The following PDE1C variants were observed in gnomAD, a reference collection of about 807,000 sequenced individuals.
The protein encoded by PDE1C is phosphodiesterase 1C, also known as dual specificity calcium/calmodulin-dependent 3',5'-cyclic nucleotide phosphodiesterase 1C.
PDE1C carries 62 observed loss-of-function variants against 93.1 expected under a neutral mutation model. The observed-to-expected ratio is 0.67, with a 90% CI of 0.54 to 0.82. The LOEUF (loss-of-function observed/expected upper bound fraction) is 0.82, where lower values mean the gene tolerates loss of function less well. Among genes scored for constraint, PDE1C ranks in the 40% least tolerant of loss-of-function variants. The pLI, the probability that PDE1C is intolerant of heterozygous loss-of-function variation, is 0.00. For synonymous variants in PDE1C, 325 were observed against 310.1 expected, an observed-to-expected ratio of 1.05 and a Z score of -0.50; for missense variants, 742 against 884.6, an observed-to-expected ratio of 0.84 and a Z score of 2.04.
chr7:32,280,503 TAATTA>T, intron 1 of PDE1C, among the ~76,000 whole-genome samples: 1 of 152,308 alleles, frequency 6.6e-6, no homozygotes, highest in East Asian at 1.9e-4. Context: ...CATTACAACA[TAATTA>T]AATTAATTTA....
the PDE1C span, among the ~76,000 whole-genome samples, chr7:31,621,232 G>T: frequency 1.3e-5 from 2 of 148,252 alleles, no homozygotes; most frequent in Admixed American, 1.4e-4. Flanking sequence ...GCAGGCCAAC[G>T]TTCAGATTCA....
At chr7:31,946,640 C>T (rs1034848279) in intron 2 of PDE1C, among the ~76,000 whole-genome samples, 1 of 152,202 alleles carries the variant, frequency 6.6e-6, no homozygotes, top group Middle Eastern at 3.2e-3. Flanking sequence ...ACCCTCATAT[C>T]CTCACCACCT....
At chr7:32,152,600 A>T (rs2128791543) in intron 3 of PDE1C, among the ~76,000 whole-genome samples, 1 of 152,288 alleles carries the variant, frequency 6.6e-6, no homozygotes, top group Middle Eastern at 3.4e-3. Context: ...TCAAGTGGAG[A>T]TGCCCTTCGA....
Position 32,188,618 on chromosome 7 carries a change from G to A in PDE1C, c.137-18662C>T, listed in dbSNP as rs374625189. ...ATGTCTTTCTGCTGCTATCTTACCA[G>A]GGCTACATCTTCTCATTTCTTTGGG... On this transcript the variant is annotated intron_variant, in intron 2 of 18. Transcript: ENST00000396193. Among the ~76,000 whole-genome samples the A allele has an allele frequency of 2.2e-4, 34 of 152,032 alleles. 1 individual carries two copies. In the South Asian group the frequency reaches 7.1e-3, roughly 32 times the overall value.
intron 1 of PDE1C, among the ~76,000 whole-genome samples, chr7:32,426,427 T>C (rs1052804166): frequency 2.0e-4 from 31 of 151,994 alleles, no homozygotes; most frequent in African/African-American, 7.0e-4. Context: ...GCATGCACCA[T>C]CATGCCCAGC....
At chr7:32,041,632 C>A (rs1791826869) in intron 2 of PDE1C, among the ~76,000 whole-genome samples, 1 of 152,106 alleles carries the variant, frequency 6.6e-6, no homozygotes, top group Non-Finnish European at 1.5e-5. Context: ...TTTTTTTATG[C>A]ATAAAGAGTT....
At chr7:32,237,762 AC>A (rs371386371) in intron 1 of PDE1C, among the ~76,000 whole-genome samples, 362 of 34,854 alleles carry the variant, frequency 0.01, 3 homozygotes, top group East Asian at 0.012. Context: ...ATATATATAT[AC>A]TTTTTTTTTT....
intron 13 of PDE1C, among the ~76,000 whole-genome samples, chr7:31,824,369 T>C (rs1433129331): frequency 6.6e-6 from 1 of 152,152 alleles, no homozygotes; most frequent in African/African-American, 2.4e-5. Flanking sequence ...GGCCTGCGAT[T>C]GCACAGCTAG....
chr7:31,839,811 T>C (rs1034028669), intron 9 of PDE1C, among the ~76,000 whole-genome samples: 1 of 152,120 alleles, frequency 6.6e-6, no homozygotes, highest in Admixed American at 6.6e-5. Flanking sequence ...CTGAGGCAGG[T>C]GGATCACCTG....
intron 2 of PDE1C, among the ~76,000 whole-genome samples, chr7:31,890,502 C>T (rs765183095): frequency 6.6e-6 from 1 of 152,170 alleles, no homozygotes; most frequent in Non-Finnish European, 1.5e-5. Flanking sequence ...ATAGTCAACC[C>T]GGTCCCGTGA....
chr7:32,083,072 TCAAAC>T (rs768370087), intron 3 of PDE1C, among the ~76,000 whole-genome samples: 165 of 151,542 alleles, frequency 1.1e-3, no homozygotes, highest in Non-Finnish European at 1.9e-3. Context: ...AGGAGGAAAT[TCAAAC>T]CAAAGGCAAA....
At chr7:32,264,790 T>C (rs1810453362) in intron 1 of PDE1C, among the ~76,000 whole-genome samples, 1 of 152,212 alleles carries the variant, frequency 6.6e-6, no homozygotes, top group Admixed American at 6.5e-5. Flanking sequence ...TCTGAGCCTA[T>C]CATGGAGCCA....
At chr7:31,692,197 T>C in the PDE1C span, among the ~76,000 whole-genome samples, 2 of 152,266 alleles carry the variant, frequency 1.3e-5, no homozygotes, top group Middle Eastern at 3.4e-3. Flanking sequence ...AATAAATCTG[T>C]CAGTGTGAGG....
chr7:31,993,716 AAATG>A (rs1784408945), intron 2 of PDE1C, among the ~76,000 whole-genome samples: 1 of 152,176 alleles, frequency 6.6e-6, no homozygotes, highest in Admixed American at 6.5e-5. Context: ...ATACAGTAAA[AAATG>A]AATGAAACAA....
chr7:32,395,091 G>A (rs554074671), intron 1 of PDE1C, among the ~76,000 whole-genome samples: 9 of 152,276 alleles, frequency 5.9e-5, no homozygotes, highest in Middle Eastern at 3.4e-3. Flanking sequence ...AGACAACTGC[G>A]ATATGGAAAA....
chr7:32,354,640 C>T (rs144575118), intron 1 of PDE1C, among the ~76,000 whole-genome samples: 81 of 152,282 alleles, frequency 5.3e-4, no homozygotes, highest in African/African-American at 1.9e-3. Context: ...AGAGCCCAAG[C>T]TCATGAGTTT....
intron 3 of PDE1C, among the ~76,000 whole-genome samples, chr7:32,129,538 A>ACTC (rs1799806388): frequency 6.5e-5 from 8 of 123,782 alleles, no homozygotes; most frequent in African/African-American, 2.0e-4. Flanking sequence ...GTTAAAATAT[A>ACTC]ATAAATAACC....
chr7:32,095,722 G>T (rs1239381312), intron 3 of PDE1C, among the ~76,000 whole-genome samples: 1 of 152,134 alleles, frequency 6.6e-6, no homozygotes, highest in South Asian at 2.1e-4. Flanking sequence ...GCTGCTGGGG[G>T]TGCTTCTCTG....
At chr7:32,098,493 AT>A (rs1163559628) in intron 3 of PDE1C, among the ~76,000 whole-genome samples, 3 of 151,908 alleles carry the variant, frequency 2.0e-5, no homozygotes, top group Non-Finnish European at 4.4e-5. Context: ...TTTAATCTCT[AT>A]TTTTTTCTTT....
Sources: gnomAD v4.1 joint callset for allele counts (sites outside exome capture counted in the v4.1 genomes callset) on GRCh38, gnomAD v4.1.1 for gene constraint, MANE v1.5 for transcripts, NCBI Gene and HGNC (gene_info 2026-07-23, HGNC 2026-07-21) for gene names.